ITGAD: variants seen among roughly 807,000 people sequenced by gnomAD.
The protein encoded by ITGAD is integrin alpha-D.
A neutral mutation model predicts 139.0 loss-of-function variants in ITGAD; 105 were observed. The ratio of observed to expected loss-of-function variants is 0.76; its 90% CI spans 0.65 to 0.89. ITGAD has a LOEUF of 0.89. ITGAD is among the 40% of genes least tolerant of loss of function. The pLI is 0.00. For missense variants in ITGAD, 1,384 were observed against 1,487.3 expected, an observed-to-expected ratio of 0.93 and a Z score of 1.14; for synonymous variants, 569 against 598.3, an observed-to-expected ratio of 0.95 and a Z score of 0.71.
intron 6 of ITGAD, 66 bp downstream of exon 6, chr16:31,402,311 C>T (rs976119347): frequency 5.4e-5 from 4 of 74,754 alleles, no homozygotes; most frequent in South Asian, 1.8e-4. Context: ...GGAGGCATCC[C>T]GGGAGGGGTG....
intron 2 of ITGAD, among the ~76,000 whole-genome samples, chr16:31,395,736 C>T (rs1320943790): frequency 2.0e-5 from 3 of 152,060 alleles, no homozygotes; most frequent in Non-Finnish European, 4.4e-5. Context: ...ACAGGTGTCA[C>T]CAAGGTCTGG....
At chr16:31,408,000 T>C in intron 9 of ITGAD, 84 bp downstream of exon 9, 1 of 1,363,382 alleles carries the variant, frequency 7.3e-7, no homozygotes, top group Non-Finnish European at 9.9e-7. Flanking sequence ...TGAGATGGAG[T>C]CTCACTTTGT....
In ITGAD at chr16:31,407,751, G is replaced by A. The variant is rs747631297; in HGVS notation, c.859-15G>A. On this transcript the variant is annotated splice_polypyrimidine_tract_variant and intron_variant, in intron 8 of 29. Transcript: ENST00000389202. ...GCTGCTGGGCTCATCCTCCTCGGCT[G>A]TCTCTCTGCTGCAGGTGGGACACGC... 3.1e-6 allele frequency: 5 copies of A among 1,613,824 alleles called. No homozygotes were observed. The highest frequency in any genetic ancestry group is 1.7e-5 in the Admixed American group (1 of 60,024).
intron 23 of ITGAD, among the ~76,000 whole-genome samples, chr16:31,421,848 G>A (rs559986432): frequency 1.2e-4 from 19 of 152,268 alleles, no homozygotes; most frequent in Non-Finnish European, 2.5e-4. Flanking sequence ...GGCTGATGGG[G>A]GGTGGACTGC....
chr16:31,425,984 C>A (rs774401789), intron 29 of ITGAD, 31 bp from the exon 30 acceptor site: 9 of 1,518,398 alleles, frequency 5.9e-6, no homozygotes, highest in Non-Finnish European at 8.2e-6. Context: ...CCCGGACTTA[C>A]CCAGCTTTTC....
At chr16:31,416,130 C>A in intron 18 of ITGAD, 83 bp from the exon 19 acceptor site, 1 of 1,152,788 alleles carries the variant, frequency 8.7e-7, no homozygotes, top group Non-Finnish European at 1.3e-6. Flanking sequence ...TAGTAATGCT[C>A]AATGTTGGAG....
intron 23 of ITGAD, among the ~76,000 whole-genome samples, chr16:31,421,423 A>G (rs1206895086): frequency 6.6e-6 from 1 of 151,552 alleles, no homozygotes; most frequent in African/African-American, 2.4e-5. Flanking sequence ...CAGGAGTTTA[A>G]GACCAGCCTG....
At position 31,411,348 on chromosome 16, in the gene ITGAD, AGGGCCACCCCTGGGGCCGCTTT is replaced by A. The variant is rs1567340269; in HGVS notation, c.1542_1563del (p.His515GlnfsTer3). ...TGTGACGCTGTTCTCCGTGGTGAGC[AGGGCCACCCCTGGGGCCGCTTT>A]GGGGCAGCCCTGACAGTGTTGGGGG... On this transcript the variant is annotated frameshift_variant, in exon 14 of 30. Transcript: ENST00000389202. LOFTEE classifies it high-confidence loss of function. 8 of 1,613,792 alleles carry A rather than the reference AGGGCCACCCCTGGGGCCGCTTT, an allele frequency of 5.0e-6. No homozygotes were observed. The highest frequency in any genetic ancestry group is 6.8e-6 in the Non-Finnish European group (8 of 1,179,870).
In ITGAD at chr16:31,423,194, TGA is replaced by T; in HGVS notation, c.2859+6_2859+7del. On this transcript the variant is annotated splice_donor_region_variant and intron_variant, in intron 24 of 29. Coordinates refer to ENST00000389202, the MANE Select transcript of ITGAD (RefSeq NM_005353.3). ...AAAGAGGCTGAGCATCGATACCGTG[TGA>T]GAGTCTAGGGAGTATCCATGTCTGC... The T allele has an allele frequency of 6.2e-7, 1 of 1,613,516 alleles. No individual in the cohort carries two copies. The highest frequency in any genetic ancestry group is 8.5e-7 in the Non-Finnish European group (1 of 1,179,430).
chr16:31,413,166 G>A lies in ITGAD; in HGVS notation c.1916G>A (p.Trp639Ter). The stretch of plus-strand genomic sequence containing the variant: ...GTGGCCAAGGCTGTGTACCGGTGCT[G>A]GGAAGAGAAGCCCAGTGCCCTGGAA... ...VEVAKAVYRC[W>*]EEKPSALEAG... Residue 639 changes from tryptophan (W) to a stop codon, truncating the protein, a stop_gained, in exon 16 of 30, where the codon TGG (tryptophan) becomes TAG (stop). Coordinates refer to ENST00000389202, the MANE Select transcript of ITGAD (RefSeq NM_005353.3). LOFTEE classifies it high-confidence loss of function. 6.2e-7 allele frequency: 1 copy of A among 1,614,164 alleles called. No homozygotes were observed. Among genetic ancestry groups the A allele is most frequent in the African/African-American group, 1.3e-5 (1 of 75,042 alleles).
Position 31,403,389 on chromosome 16 carries a change from G to T in ITGAD, c.559-111G>T. ...TTCCAGCTACTTGGAGGCTGAGGCA[G>T]GAGGATCACTTGAGGCCAGGAGTTT... On this transcript the variant is annotated intron_variant, in intron 6 of 29. Transcript: ENST00000389202. The surrounding 1 kb of genome is among the most constrained non-coding windows in gnomAD (Gnocchi z 4.4). 1 of 1,261,208 alleles carries T rather than the reference G, an allele frequency of 7.9e-7. No homozygotes were observed. Among genetic ancestry groups the T allele is most frequent in the Non-Finnish European group, 1.1e-6 (1 of 893,646 alleles). 78.1% of individuals were successfully genotyped at this position (1,261,208 alleles called of 1,614,324 possible).
chr16:31,423,377 T>C lies in ITGAD; in HGVS notation c.2885T>C (p.Leu962Pro). 6.2e-7 allele frequency: 1 copy of C among 1,614,126 alleles called. No homozygotes were observed. Among genetic ancestry groups the C allele is most frequent in the Non-Finnish European group, 8.5e-7 (1 of 1,180,006 alleles). Residue 962 changes from leucine (L) to proline (P), a missense_variant, in exon 25 of 30, where the codon CTG becomes CCG. Coordinates refer to ENST00000389202, the MANE Select transcript of ITGAD (RefSeq NM_005353.3). Reference protein sequence around the residue: ...YRVNNLSQRDLAISINFWVPV... With the variant: ...YRVNNLSQRDPAISINFWVPV... ...GTGAATAACCTCAGCCAGCGAGATC[T>C]GGCCATCAGCATTAACTTCTGGGTT...
chr16:31,403,676 T>C lies in ITGAD; in HGVS notation c.704+31T>C, dbSNP rs1483451847. The stretch of plus-strand genomic sequence containing the variant: ...CAACCCCGACCCCAGCCTGGCGATG[T>C]GACTGCCACCCCCACTTCCTAACCC... On this transcript the variant is annotated intron_variant, in intron 7 of 29. Transcript: ENST00000389202. The surrounding 1 kb of genome is among the most constrained non-coding windows in gnomAD (Gnocchi z 4.4). The C allele has an allele frequency of 3.7e-6, 6 of 1,613,292 alleles. No homozygotes were observed. The highest frequency in any genetic ancestry group is 5.1e-6 in the Non-Finnish European group (6 of 1,179,536).
intron 18 of ITGAD, 74 bp downstream of exon 18, chr16:31,415,065 C>T: frequency 6.5e-7 from 1 of 1,546,516 alleles, no homozygotes; most frequent in South Asian, 1.1e-5. Context: ...TCCACTGTAG[C>T]TCCCCAACAC....
chr16:31,396,686 G>A (rs562656796), intron 2 of ITGAD, among the ~76,000 whole-genome samples: 22 of 152,288 alleles, frequency 1.4e-4, no homozygotes, highest in African/African-American at 5.1e-4. Flanking sequence ...CTTGCTTGGC[G>A]CATTAAAATA....
At chr16:31,425,616 A>C (rs868408554) in intron 29 of ITGAD, among the ~76,000 whole-genome samples, 1 of 151,430 alleles carries the variant, frequency 6.6e-6, no homozygotes, top group Middle Eastern at 3.4e-3. Context: ...GCTTCCTCTT[A>C]TTCCCAATTT....
chr16:31,416,207 C>T lies in ITGAD; in HGVS notation c.2284-6C>T. Reference sequence around the variant, plus strand: ...GATGGGAACAGAATATACTATTTTGCTGCAGCTCCCCTTCGAGAAGAACTG... The same window carrying T: ...GATGGGAACAGAATATACTATTTTGTTGCAGCTCCCCTTCGAGAAGAACTG... On this transcript the variant is annotated splice_polypyrimidine_tract_variant and splice_region_variant and intron_variant, in intron 18 of 29. Coordinates refer to ENST00000389202, the MANE Select transcript of ITGAD (RefSeq NM_005353.3). 1 of 1,598,654 alleles carries T rather than the reference C, an allele frequency of 6.3e-7. No individual in the cohort carries two copies. The highest frequency in any genetic ancestry group is 8.5e-7 in the Non-Finnish European group (1 of 1,170,228).
At position 31,413,227 on chromosome 16, in the gene ITGAD, A is replaced by G; in HGVS notation, c.1977A>G (p.Lys659=). 1 of 1,614,008 alleles carries G rather than the reference A, an allele frequency of 6.2e-7. No individual in the cohort carries two copies. The highest frequency in any genetic ancestry group is 1.3e-5 in the African/African-American group (1 of 74,982). ...GDATVCLTIQ[K]SSLDQLGDIQ... ...CCACCGTCTGTCTCACCATCCAGAA[A>G]AGCTCACTGGACCAGCTAGGTGTGT... Residue 659 remains lysine, a synonymous_variant, in exon 16 of 30, where the codon AAA becomes AAG. Coordinates refer to ENST00000389202, the MANE Select transcript of ITGAD (RefSeq NM_005353.3).
intron 18 of ITGAD, 58 bp from the exon 19 acceptor site, chr16:31,416,155 G>A: frequency 1.4e-6 from 2 of 1,397,288 alleles, no homozygotes; most frequent in South Asian, 2.5e-5. Flanking sequence ...CTTCTAAGGA[G>A]GGGCTTGGAG....
Sources: allele counts gnomAD v4.1 joint callset (sites outside exome capture counted in the v4.1 genomes callset), GRCh38; gene constraint gnomAD v4.1.1; non-coding constraint Gnocchi (gnomAD v3.1); transcripts MANE v1.5; gene names NCBI Gene and HGNC (gene_info 2026-07-23, HGNC 2026-07-21).